Variants in RGL1 observed in about 807,000 individuals in gnomAD.
The protein encoded by RGL1 is ral guanine nucleotide dissociation stimulator like 1.
In RGL1, 24 loss-of-function variants were observed where a neutral mutation model predicts 95.2. The observed-to-expected ratio is 0.25, with a 90% CI of 0.18 to 0.35. The LOEUF (loss-of-function observed/expected upper bound fraction) is 0.35. Among genes scored for constraint, RGL1 ranks in the 10% least tolerant of loss-of-function variants. The pLI, the probability that RGL1 is intolerant of heterozygous loss-of-function variation, is 1.00. For synonymous variants in RGL1, 329 were observed against 344.9 expected, an observed-to-expected ratio of 0.95 and a Z score of 0.51; for missense variants, 715 against 936.3, an observed-to-expected ratio of 0.76 and a Z score of 3.08.
chr1:183,768,788 A>G (rs1004401492), intron 2 of RGL1, among the ~76,000 whole-genome samples: 1 of 152,188 alleles, frequency 6.6e-6, no homozygotes, highest in African/African-American at 2.4e-5. Flanking sequence ...AAACAAAATT[A>G]TTCTTTTTCT....
At chr1:183,762,827 T>C (rs1055183664) in intron 2 of RGL1, among the ~76,000 whole-genome samples, 9 of 152,216 alleles carry the variant, frequency 5.9e-5, no homozygotes, top group Admixed American at 5.9e-4. Context: ...TGGAAGACAG[T>C]ATGGCAATTC....
At chr1:183,673,730 T>C (rs749155850) in intron 1 of RGL1, among the ~76,000 whole-genome samples, 115 of 152,228 alleles carry the variant, frequency 7.6e-4, no homozygotes, top group Admixed American at 5.3e-3. Context: ...GAAATAGAAG[T>C]CTTGCTATGA....
chr1:183,785,797 G>A (rs1660127029), intron 2 of RGL1, among the ~76,000 whole-genome samples: 1 of 152,168 alleles, frequency 6.6e-6, no homozygotes, highest in Admixed American at 6.5e-5. Flanking sequence ...TATTCAAAAT[G>A]CTTTTGGCCA....
chr1:183,893,050 A>G (rs1667509031), intron 9 of RGL1, among the ~76,000 whole-genome samples: 1 of 152,212 alleles, frequency 6.6e-6, no homozygotes, highest in Non-Finnish European at 1.5e-5. Flanking sequence ...ACATAAAGCT[A>G]TTTCTTCTGA....
At chr1:183,717,014 T>G (rs939644428) in intron 1 of RGL1, among the ~76,000 whole-genome samples, 10 of 152,196 alleles carry the variant, frequency 6.6e-5, no homozygotes, top group Non-Finnish European at 1.3e-4. Context: ...TAAGCATTGA[T>G]TCATGGGTGG....
chr1:183,864,595 T>A (rs543363214), intron 3 of RGL1, among the ~76,000 whole-genome samples: 1 of 152,244 alleles, frequency 6.6e-6, no homozygotes, highest in Non-Finnish European at 1.5e-5. Context: ...CTTGCTCATG[T>A]GGGGCTGAGT....
chr1:183,656,323 G>C (rs1002088542), intron 1 of RGL1, among the ~76,000 whole-genome samples: 3 of 152,180 alleles, frequency 2.0e-5, no homozygotes, highest in African/African-American at 7.2e-5. Context: ...TGTCAAAATT[G>C]AGAGGTTGAC....
intron 2 of RGL1, among the ~76,000 whole-genome samples, chr1:183,757,310 A>G (rs192000307): frequency 6.6e-6 from 1 of 152,350 alleles, no homozygotes; most frequent in African/African-American, 2.4e-5. Context: ...AGATTAAATC[A>G]TACACATCTG....
At chr1:183,920,838 G>C (rs1415387023) in intron 16 of RGL1, among the ~76,000 whole-genome samples, 2 of 152,188 alleles carry the variant, frequency 1.3e-5, no homozygotes, top group Non-Finnish European at 1.5e-5. Context: ...GGACCCCTTT[G>C]TAATGCACAT....
chr1:183,917,507 G>T (rs1308947589), intron 16 of RGL1, among the ~76,000 whole-genome samples: 1 of 152,104 alleles, frequency 6.6e-6, no homozygotes, highest in Non-Finnish European at 1.5e-5. Context: ...TTTATCACTC[G>T]CCTCTTTGAA....
intron 1 of RGL1, chr1:183,648,193 C>T (rs576114883): frequency 6.2e-7 from 1 of 1,614,156 alleles, no homozygotes; most frequent in South Asian, 1.1e-5. Context: ...CTGTGGAGAA[C>T]AGAATGCCAG....
intron 2 of RGL1, among the ~76,000 whole-genome samples, chr1:183,766,049 T>C (rs1658943666): frequency 6.6e-6 from 1 of 151,898 alleles, no homozygotes; most frequent in Admixed American, 6.6e-5. Flanking sequence ...ACCTGCACGT[T>C]GTGCATATGT....
rs143708048 is a variant in RGL1, at chr1:183,812,393, G to A, written c.138+5908G>A. On this transcript the variant is annotated intron_variant, in intron 2 of 17. Transcript: ENST00000360851. ...GGTCATTTGCTAGTAAACACATCCA[G>A]TGTGAACTCCCTCGCTGCTGTTGCA... is the stretch of plus-strand genomic sequence containing the variant. 2.9e-3 allele frequency among the ~76,000 whole-genome samples: 443 copies of A among 152,256 alleles called. 4 individuals carry two copies. Among genetic ancestry groups the A allele is most frequent in the African/African-American group, 0.01 (420 of 41,554 alleles).
intron 2 of RGL1, among the ~76,000 whole-genome samples, chr1:183,768,339 C>T (rs552717353): frequency 7.2e-5 from 11 of 151,898 alleles, no homozygotes; most frequent in Non-Finnish European, 1.6e-4. Flanking sequence ...TTTAAAAAAC[C>T]GAAAATACAT....
intron 1 of RGL1, among the ~76,000 whole-genome samples, chr1:183,718,779 G>T (rs547413659): frequency 5.3e-5 from 8 of 152,102 alleles, no homozygotes; most frequent in African/African-American, 1.7e-4. Context: ...CGGGCATGGT[G>T]GCACATTACT....
intron 2 of RGL1, among the ~76,000 whole-genome samples, chr1:183,797,213 C>T (rs1295627130): frequency 6.6e-6 from 1 of 152,148 alleles, no homozygotes; most frequent in East Asian, 1.9e-4. Context: ...CATGTGATCC[C>T]AGCTACTTGG....
intron 3 of RGL1, among the ~76,000 whole-genome samples, chr1:183,857,192 T>C (rs912077247): frequency 6.6e-6 from 1 of 152,132 alleles, no homozygotes; most frequent in Non-Finnish European, 1.5e-5. Flanking sequence ...ATCAGATAGA[T>C]GCTATGTTGC....
intron 2 of RGL1, among the ~76,000 whole-genome samples, chr1:183,828,946 A>G (rs1558233463): frequency 6.6e-6 from 1 of 152,198 alleles, no homozygotes; most frequent in Non-Finnish European, 1.5e-5. Context: ...TGCTCAGTAG[A>G]AGCAGATGAC....
chr1:183,829,359 T>C (rs1663098022), intron 2 of RGL1, among the ~76,000 whole-genome samples: 1 of 151,968 alleles, frequency 6.6e-6, no homozygotes, highest in Admixed American at 6.6e-5. Context: ...AGAGGATTGC[T>C]TGAGCCTGAG....
Sources: allele counts gnomAD v4.1 joint callset (sites outside exome capture counted in the v4.1 genomes callset), GRCh38; gene constraint gnomAD v4.1.1; transcripts MANE v1.5; gene names NCBI Gene and HGNC (gene_info 2026-07-23, HGNC 2026-07-21).